Variants in ZNF565 observed in about 807,000 individuals in gnomAD.
The protein encoded by ZNF565 is zinc finger protein 565.
In ZNF565, 27 loss-of-function variants were observed where a neutral mutation model predicts 39.4. That is an observed-to-expected ratio of 0.69 (90% CI 0.51 to 0.95). The LOEUF (loss-of-function observed/expected upper bound fraction) is 0.95. Ranked by LOEUF, ZNF565 falls within the 40% of genes least tolerant of loss-of-function variation. The pLI is 0.00. For missense variants in ZNF565, 524 were observed against 621.1 expected (o/e 0.84, Z 1.66); for synonymous variants, 185 against 216.6 (o/e 0.85, Z 1.28).
chr19:36,221,927 CTTTTTT>C (rs60347994), intron 1 of ZNF565, among the ~76,000 whole-genome samples: 128 of 109,894 alleles, frequency 1.2e-3, no homozygotes, highest in Middle Eastern at 0.013. Context: ...TTTTTTCTTT[CTTTTTT>C]TTTTTTTTTT....
chr19:36,210,710 C>T (rs1319855796), intron 1 of ZNF565, among the ~76,000 whole-genome samples: 3 of 151,496 alleles, frequency 2.0e-5, no homozygotes, highest in East Asian at 2.0e-4. Flanking sequence ...CTGCAACCTC[C>T]GCCTCCCGGG....
upstream of ZNF565, among the ~76,000 whole-genome samples, chr19:36,215,810 T>C (rs1476840365): frequency 1.3e-5 from 2 of 152,132 alleles, no homozygotes; most frequent in African/African-American, 2.4e-5. Context: ...TGAGAAGCAA[T>C]CCCATATAAC....
At chr19:36,237,115 A>G in intron 1 of ZNF565, 2 of 1,614,148 alleles carry the variant, frequency 1.2e-6, no homozygotes, top group Non-Finnish European at 8.5e-7. Flanking sequence ...CTCAGAGCTC[A>G]TCTCTCACTG....
At chr19:36,209,153 C>A (rs771047756) in intron 1 of ZNF565, among the ~76,000 whole-genome samples, 61 of 152,138 alleles carry the variant, frequency 4.0e-4, no homozygotes, top group Middle Eastern at 3.4e-3. Flanking sequence ...ATGGTAAATT[C>A]TTTGTTATGT....
intron 2 of ZNF565, 26 bp from the exon 3 acceptor site, chr19:36,195,182 T>C: frequency 1.3e-6 from 2 of 1,588,616 alleles, no homozygotes; most frequent in Admixed American, 1.9e-5. Context: ...CACGCATTAG[T>C]GTACATTAAG....
At position 36,194,223 on chromosome 19, in the gene ZNF565, C is replaced by T; in HGVS notation, c.232+10G>A. ...GGGACCTTCCCCTGTCGAAATCGGC[C>T]CTCGCTTACCTGGGCACCATGGTCC... On this transcript the variant is annotated intron_variant, in intron 4 of 4. Coordinates refer to ENST00000304116, the MANE Select transcript of ZNF565 (RefSeq NM_152477.5). 6.2e-7 allele frequency: 1 copy of T among 1,605,792 alleles called. No individual in the cohort carries two copies. Among genetic ancestry groups the T allele is most frequent in the Non-Finnish European group, 8.5e-7 (1 of 1,175,758 alleles).
intron 1 of ZNF565, among the ~76,000 whole-genome samples, chr19:36,208,205 A>ATTTTTT (rs11307687): frequency 0.016 from 2,107 of 135,930 alleles, 50 homozygotes; most frequent in African/African-American, 0.052. Context: ...TTACAGGACA[A>ATTTTTT]TTTTTTTTTT....
chr19:36,214,095 C>G (rs770268550), intron 1 of ZNF565, among the ~76,000 whole-genome samples: 2 of 151,970 alleles, frequency 1.3e-5, no homozygotes, highest in Non-Finnish European at 2.9e-5. Flanking sequence ...CACACTCACA[C>G]AAGCAACCCA....
At chr19:36,197,501 G>A (rs1190112856) in intron 2 of ZNF565, among the ~76,000 whole-genome samples, 1 of 151,938 alleles carries the variant, frequency 6.6e-6, no homozygotes, top group Non-Finnish European at 1.5e-5. Context: ...AAATAAGAAT[G>A]AAAGAAGGAA....
intron 1 of ZNF565, among the ~76,000 whole-genome samples, chr19:36,243,125 C>G (rs1172103975): frequency 2.0e-5 from 3 of 152,078 alleles, no homozygotes; most frequent in East Asian, 3.9e-4. Context: ...CCTGTGCCTC[C>G]CGGGTTGAAG....
chr19:36,211,019 G>A (rs571234252), intron 1 of ZNF565, among the ~76,000 whole-genome samples: 1 of 151,512 alleles, frequency 6.6e-6, no homozygotes, highest in South Asian at 2.1e-4. Flanking sequence ...AAAAATGATA[G>A]CAATGAATAT....
In ZNF565 at chr19:36,227,602, C is replaced by CT. The variant is rs1485365363; in HGVS notation, c.55+17873dup. Among the ~76,000 whole-genome samples, 4 of 152,092 alleles carry CT rather than the reference C, an allele frequency of 2.6e-5. No homozygotes were observed. In the East Asian group the frequency reaches 7.7e-4, roughly 29 times the overall value. ...ACCTGTATTCCAGGTTGTTGCTTTTCTTTTTTATGACAAGGTCTCACTCTG... is the reference window on the plus strand; with the variant it reads ...ACCTGTATTCCAGGTTGTTGCTTTTCTTTTTTTATGACAAGGTCTCACTCTG... On this transcript the variant is annotated intron_variant, in intron 1 of 4. Coordinates refer to the ZNF565 transcript ENST00000355114.
chr19:36,202,103 C>G (rs1464109584), intron 1 of ZNF565, 53 bp from the exon 2 acceptor site: 1 of 935,896 alleles, frequency 1.1e-6, no homozygotes, highest in African/African-American at 1.6e-5. Context: ...ACTGAGCTTG[C>G]CTCAGCACTC....
rs376695886 is a variant in ZNF565, at chr19:36,245,414, G to T, written c.55+62C>A. Reference sequence around the variant, plus strand: ...GCGACCCGGAAAGCTCCGCGCTTACGACGCCCACCCAGAAAATCCGGATCA... The same window carrying T: ...GCGACCCGGAAAGCTCCGCGCTTACTACGCCCACCCAGAAAATCCGGATCA... On this transcript the variant is annotated intron_variant, in intron 1 of 4. Coordinates refer to the ZNF565 transcript ENST00000355114. This position sits in a 1 kb window ranked among gnomAD's most constrained non-coding sequence, Gnocchi z 4.4. The T allele has an allele frequency of 1.4e-6, 1 of 701,436 alleles. No homozygotes were observed. Among genetic ancestry groups the T allele is most frequent in the Non-Finnish European group, 2.6e-6 (1 of 384,276 alleles). 43.5% of individuals were successfully genotyped at this position (701,436 alleles called of 1,614,324 possible).
chr19:36,200,361 C>T (rs892359132), intron 2 of ZNF565, among the ~76,000 whole-genome samples: 3 of 151,962 alleles, frequency 2.0e-5, no homozygotes, highest in Admixed American at 2.0e-4. Flanking sequence ...ACAAATAAAC[C>T]TGTTACCTGT....
chr19:36,236,707 G>C (rs761846974), intron 1 of ZNF565: 6 of 1,614,148 alleles, frequency 3.7e-6, no homozygotes, highest in Non-Finnish European at 5.1e-6. Context: ...ACCTCCTTAC[G>C]CACCAGAAAA....
chr19:36,208,205 ATT>A (rs11307687), intron 1 of ZNF565, among the ~76,000 whole-genome samples: 9,090 of 135,988 alleles, frequency 0.067, 279 homozygotes, highest in Non-Finnish European at 0.073. Flanking sequence ...TTACAGGACA[ATT>A]TTTTTTTTTT....
chr19:36,232,125 C>T (rs1330639326), intron 1 of ZNF565, among the ~76,000 whole-genome samples: 2 of 150,388 alleles, frequency 1.3e-5, no homozygotes, highest in Non-Finnish European at 2.9e-5. Flanking sequence ...ATCGGTTGAA[C>T]CTGGGAGGCG....
At chr19:36,214,907 CAGA>C (rs953316652), upstream of ZNF565, 1 of 152,774 alleles carries the variant, frequency 6.5e-6, no homozygotes, top group South Asian at 2.1e-4. Context: ...TCCATCGTCA[CAGA>C]AGGAGGCGGC....
Sources: gnomAD v4.1 joint callset for allele counts (sites outside exome capture counted in the v4.1 genomes callset) on GRCh38, gnomAD v4.1.1 for gene constraint, Gnocchi (gnomAD v3.1) non-coding constraint, MANE v1.5 for transcripts, NCBI Gene and HGNC (gene_info 2026-07-23, HGNC 2026-07-21) for gene names.